CNTN6: variants seen among roughly 807,000 people sequenced by gnomAD.
CNTN6 encodes the protein contactin-6.
CNTN6 carries 137 observed loss-of-function variants against 122.8 expected under a neutral mutation model. The observed-to-expected ratio is 1.12, with a 90% CI of 0.97 to 1.29. The LOEUF (loss-of-function observed/expected upper bound fraction) is 1.29, where lower values mean the gene tolerates loss of function less well. Among genes scored for constraint, CNTN6 ranks in the 50% most tolerant of loss-of-function variants. The pLI is 0.00. For synonymous variants in CNTN6, 570 were observed against 426.0 expected (o/e 1.34, Z -4.16); for missense variants, 1,634 against 1,223.4 (o/e 1.34, Z -5.01).
intron 5 of CNTN6, among the ~76,000 whole-genome samples, chr3:1,294,806 C>G (rs962251956): frequency 6.6e-6 from 1 of 152,142 alleles, no homozygotes; most frequent in Non-Finnish European, 1.5e-5. Flanking sequence ...CTCTGGGCTC[C>G]CTATAATGCC....
intron 2 of CNTN6, among the ~76,000 whole-genome samples, chr3:1,179,402 G>C (rs955891147): frequency 6.6e-6 from 1 of 152,076 alleles, no homozygotes; most frequent in Non-Finnish European, 1.5e-5. Flanking sequence ...GATGTCACTG[G>C]AGGCTTTTCA....
At chr3:1,286,357 C>T (rs1244270071) in intron 5 of CNTN6, among the ~76,000 whole-genome samples, 1 of 152,096 alleles carries the variant, frequency 6.6e-6, no homozygotes, top group East Asian at 1.9e-4. Flanking sequence ...AGCCCCCCAA[C>T]CCCCAGTAGG....
chr3:1,391,798 A>T (rs1326814753), intron 20 of CNTN6, among the ~76,000 whole-genome samples: 2 of 151,080 alleles, frequency 1.3e-5, no homozygotes, highest in Non-Finnish European at 3.0e-5. Flanking sequence ...GTGAACTCCC[A>T]TTCACAATTG....
intron 2 of CNTN6, among the ~76,000 whole-genome samples, chr3:1,198,075 A>G (rs987681131): frequency 1.1e-4 from 17 of 152,204 alleles, no homozygotes; most frequent in African/African-American, 3.9e-4. Flanking sequence ...GAGCATTCTA[A>G]GAGATGCTGG....
At chr3:1,401,149 G>T in intron 20 of CNTN6, 1 of 318,466 alleles carries the variant, frequency 3.1e-6, no homozygotes, top group South Asian at 3.3e-5. Flanking sequence ...GTTTATATAT[G>T]ATAAAGTAAA....
chr3:1,240,670 C>T (rs1322780747), intron 4 of CNTN6, among the ~76,000 whole-genome samples: 2 of 149,752 alleles, frequency 1.3e-5, no homozygotes, highest in African/African-American at 5.0e-5. Context: ...AATCCCACTA[C>T]TTGGTGTCTA....
intron 2 of CNTN6, among the ~76,000 whole-genome samples, chr3:1,194,733 C>A (rs550218486): frequency 2.0e-5 from 3 of 152,018 alleles, no homozygotes; most frequent in Admixed American, 2.0e-4. Flanking sequence ...GTAACATTTT[C>A]TTTCATTTCT....
chr3:1,396,788 C>T (rs896586245), intron 20 of CNTN6, among the ~76,000 whole-genome samples: 1 of 152,196 alleles, frequency 6.6e-6, no homozygotes, highest in Non-Finnish European at 1.5e-5. Flanking sequence ...GCATGAAAAA[C>T]AGCTTTACTG....
In CNTN6 at chr3:1,329,190, T is replaced by C. The variant is rs919728304; in HGVS notation, c.1214-595T>C. Among the ~76,000 whole-genome samples the C allele has an allele frequency of 3.3e-5, 5 of 151,282 alleles. No individual in the cohort carries two copies. In the South Asian group the frequency reaches 6.3e-4, roughly 19 times the overall value. On this transcript the variant is annotated intron_variant, in intron 10 of 22. Transcript: ENST00000446702. The stretch of plus-strand genomic sequence containing the variant: ...ATAATAAATCAGAAACACACATACA[T>C]ATATACATGTATGCATATACATGTA...
At chr3:1,292,831 C>A (rs1695548461) in intron 5 of CNTN6, among the ~76,000 whole-genome samples, 1 of 152,074 alleles carries the variant, frequency 6.6e-6, no homozygotes, top group Non-Finnish European at 1.5e-5. Context: ...TTGTATTTCC[C>A]TCCACTCACT....
At chr3:1,168,200 G>C (rs141765967) in intron 2 of CNTN6, among the ~76,000 whole-genome samples, 1 of 151,840 alleles carries the variant, frequency 6.6e-6, no homozygotes, top group South Asian at 2.1e-4. Context: ...GACACATCGC[G>C]CCCGGCCTGG....
At position 1,227,910 on chromosome 3, in the gene CNTN6, A is replaced by T. The variant is rs1474338622; in HGVS notation, c.275A>T (p.Asp92Val). 4 of 1,613,978 alleles carry T rather than the reference A, an allele frequency of 2.5e-6. No individual in the cohort carries two copies. The highest frequency in any genetic ancestry group is 2.5e-6 in the Non-Finnish European group (3 of 1,179,990). Residue 92 changes from aspartate to valine, a missense_variant, in exon 4 of 23, where the codon GAT becomes GTT. Coordinates refer to ENST00000446702, the MANE Select transcript of CNTN6 (RefSeq NM_001289080.2). ...GSLAINSPHTDQDIGMYQCLA... is the reference protein window; with the variant it reads ...GSLAINSPHTVQDIGMYQCLA... ...CTTGCAATCAATAGCCCCCACACAG[A>T]TCAAGATATTGGCATGTACCAGTGC...
rs531203651 is a variant in CNTN6, at chr3:1,346,810, T to G, written c.1365-5514T>G. Among the ~76,000 whole-genome samples, 45 of 152,260 alleles carry G rather than the reference T, an allele frequency of 3.0e-4. No individual in the cohort carries two copies. In the South Asian group the frequency reaches 8.7e-3, roughly 29 times the overall value. Reference sequence around the variant, plus strand: ...GTAACACAAAATCTGATGCACATGCTGCGGGTAAAGAAGCCCTCCAAGTGG... The same window carrying G: ...GTAACACAAAATCTGATGCACATGCGGCGGGTAAAGAAGCCCTCCAAGTGG... On this transcript the variant is annotated intron_variant, in intron 11 of 22. Transcript: ENST00000446702.
chr3:1,232,699 C>T (rs1288132944), intron 4 of CNTN6, among the ~76,000 whole-genome samples: 3 of 152,144 alleles, frequency 2.0e-5, no homozygotes, highest in Non-Finnish European at 4.4e-5. Context: ...AGAGTCCTAC[C>T]ACCTACTGCA....
At chr3:1,142,968 GTA>G (rs3043051) in intron 1 of CNTN6, among the ~76,000 whole-genome samples, 9,338 of 128,048 alleles carry the variant, frequency 0.073, 329 homozygotes, top group East Asian at 0.21. Flanking sequence ...GTGTGTGTGT[GTA>G]TATATATATA....
chr3:1,132,699 G>A (rs1219466867), intron 1 of CNTN6, among the ~76,000 whole-genome samples: 2 of 107,266 alleles, frequency 1.9e-5, no homozygotes, highest in Non-Finnish European at 4.2e-5. Flanking sequence ...ATAACGTGAA[G>A]ATGTTGTGGA....
chr3:1,299,896 A>T (rs1347942036), intron 7 of CNTN6, among the ~76,000 whole-genome samples: 3 of 152,182 alleles, frequency 2.0e-5, no homozygotes, highest in African/African-American at 7.2e-5. Flanking sequence ...ATTAGAATGG[A>T]TAATACATGT....
Position 1,328,614 on chromosome 3 carries a change from G to A in CNTN6, c.1213+1028G>A, listed in dbSNP as rs1466990434. Among the ~76,000 whole-genome samples the A allele has an allele frequency of 2.6e-5, 4 of 151,768 alleles. No individual in the cohort carries two copies. In the East Asian group the frequency reaches 5.8e-4, roughly 22 times the overall value. ...GCAATTCTTATGGCTAAGAATTGAG[G>A]AGTTGCTATCGTTGCACATGACAAG... On this transcript the variant is annotated intron_variant, in intron 10 of 22. Coordinates refer to ENST00000446702, the MANE Select transcript of CNTN6 (RefSeq NM_001289080.2).
chr3:1,102,585 C>A (rs867077249), intron 1 of CNTN6, among the ~76,000 whole-genome samples: 1 of 146,366 alleles, frequency 6.8e-6, no homozygotes, highest in Non-Finnish European at 1.5e-5. Flanking sequence ...AAAAATGAGC[C>A]GGGCGTGGTG....
Sources: allele counts gnomAD v4.1 joint callset (sites outside exome capture counted in the v4.1 genomes callset), GRCh38; gene constraint gnomAD v4.1.1; transcripts MANE v1.5; gene names NCBI Gene and HGNC (gene_info 2026-07-23, HGNC 2026-07-21).